Variants in SKI observed in about 807,000 individuals in gnomAD.
The protein encoded by SKI is SKI proto-oncogene.
A neutral mutation model predicts 59.3 loss-of-function variants in SKI; 23 were observed. The observed-to-expected ratio is 0.39, with a 90% CI of 0.28 to 0.55. SKI has a LOEUF of 0.55. Among genes scored for constraint, SKI ranks in the 20% least tolerant of loss-of-function variants. SKI has a pLI of 0.67. For synonymous variants in SKI, 673 were observed against 488.6 expected, an observed-to-expected ratio of 1.38 and a Z score of -4.98; for missense variants, 1,017 against 1,038.9, an observed-to-expected ratio of 0.98 and a Z score of 0.29.
chr1:2,288,563 G>A (rs1480163707), intron 1 of SKI, among the ~76,000 whole-genome samples: 1 of 152,254 alleles, frequency 6.6e-6, no homozygotes, highest in African/African-American at 2.4e-5. Context: ...GCTCGTGCGT[G>A]CACATTTGTT....
intron 1 of SKI, among the ~76,000 whole-genome samples, chr1:2,242,221 G>A (rs1041747132): frequency 6.6e-6 from 1 of 152,204 alleles, no homozygotes; most frequent in Non-Finnish European, 1.5e-5. Context: ...AACACTTCCC[G>A]TGCATGTCTA....
intron 1 of SKI, among the ~76,000 whole-genome samples, chr1:2,261,563 G>A (rs569646248): frequency 6.6e-6 from 1 of 152,310 alleles, no homozygotes; most frequent in East Asian, 1.9e-4. Context: ...GATATAAACG[G>A]CCACTACAGT....
chr1:2,287,503 A>T (rs1640065565), intron 1 of SKI, among the ~76,000 whole-genome samples: 1 of 151,768 alleles, frequency 6.6e-6, no homozygotes, highest in Non-Finnish European at 1.5e-5. Context: ...CGCCCAGCTA[A>T]TTTTTTGTAT....
intron 1 of SKI, among the ~76,000 whole-genome samples, chr1:2,258,144 T>A (rs978793281): frequency 7.2e-5 from 11 of 152,372 alleles, no homozygotes; most frequent in African/African-American, 2.6e-4. Context: ...TTTGCGACTT[T>A]AACCAGAAGT....
intron 1 of SKI, among the ~76,000 whole-genome samples, chr1:2,298,504 C>T (rs974800291): frequency 6.6e-5 from 10 of 152,190 alleles, no homozygotes; most frequent in Non-Finnish European, 1.3e-4. Flanking sequence ...ATGGCTTTCT[C>T]AGCAGCTCCC....
At chr1:2,240,651 CTTGGAATT>C (rs757451622) in intron 1 of SKI, 33 of 985,344 alleles carry the variant, frequency 3.3e-5, no homozygotes, top group Non-Finnish European at 3.7e-5. Flanking sequence ...AACAAGAAAA[CTTGGAATT>C]CTTCGAAGTG....
At chr1:2,231,319 C>T (rs1638633597) in intron 1 of SKI, among the ~76,000 whole-genome samples, 1 of 152,170 alleles carries the variant, frequency 6.6e-6, no homozygotes, top group Non-Finnish European at 1.5e-5. Flanking sequence ...GTCTTCAGAG[C>T]TGATGGCAGA....
chr1:2,290,087 A>G (rs1266240270), intron 1 of SKI, among the ~76,000 whole-genome samples: 2 of 151,900 alleles, frequency 1.3e-5, no homozygotes, highest in Non-Finnish European at 2.9e-5. Context: ...TTGGTCAGGG[A>G]TGTTCCTAGA....
At chr1:2,252,337 C>T (rs1160084128) in intron 1 of SKI, among the ~76,000 whole-genome samples, 1 of 152,092 alleles carries the variant, frequency 6.6e-6, no homozygotes, top group African/African-American at 2.4e-5. Context: ...TCCCCTGGGC[C>T]CCAGGAGGGT....
chr1:2,254,167 G>A (rs1639224663), intron 1 of SKI, among the ~76,000 whole-genome samples: 1 of 152,224 alleles, frequency 6.6e-6, no homozygotes, highest in Non-Finnish European at 1.5e-5. Flanking sequence ...TTGGACCCAC[G>A]TGGGAGCTGC....
chr1:2,229,362 G>C lies in SKI; in HGVS notation c.596G>C (p.Cys199Ser). 1 of 1,598,804 alleles carries C rather than the reference G, an allele frequency of 6.3e-7. No individual in the cohort carries two copies. Among genetic ancestry groups the C allele is most frequent in the Non-Finnish European group, 8.5e-7 (1 of 1,173,068 alleles). The change falls in exon 1 of 7, where the codon TGC becomes TCC. Residue 199 changes from cysteine (C) to serine (S), a missense_variant. Cys to Ser is a moderately radical substitution (Grantham distance 112). Coordinates refer to ENST00000378536, the MANE Select transcript of SKI (RefSeq NM_003036.4). The surrounding 1 kb of genome is among the most constrained non-coding windows in gnomAD (Gnocchi z 6.3). Reference protein sequence around the residue: ...LLYGGAYPPPCKKELAASLAL... With the variant: ...LLYGGAYPPPSKKELAASLAL... ...TACGGCGGCGCCTACCCGCCGCCCT[G>C]CAAGAAGGAGCTGGCCGCCAGCCTG...
chr1:2,296,331 G>A (rs898857331), intron 1 of SKI, among the ~76,000 whole-genome samples: 1 of 152,184 alleles, frequency 6.6e-6, no homozygotes, highest in Non-Finnish European at 1.5e-5. Flanking sequence ...GGGTGGTTGA[G>A]GCTGCAGTGA....
chr1:2,230,772 T>C (rs548554801), intron 1 of SKI, among the ~76,000 whole-genome samples: 1 of 152,356 alleles, frequency 6.6e-6, no homozygotes, highest in East Asian at 1.9e-4. Flanking sequence ...CTGCATTGGC[T>C]CAGCTATTCT....
rs1640487901 is a variant in SKI at position 2,303,788 on chromosome 1, G to T, written c.1212-52G>T. 3 of 1,596,148 alleles carry T rather than the reference G, an allele frequency of 1.9e-6. No individual in the cohort carries two copies. The highest frequency in any genetic ancestry group is 1.7e-5 in the Admixed American group (1 of 58,402). ...AGGGGGTGTGCGCCAGGATGTGTCTGGGTGGTGCTTGGGGACAGAGGCACC... is the reference window on the plus strand; with the variant it reads ...AGGGGGTGTGCGCCAGGATGTGTCTTGGTGGTGCTTGGGGACAGAGGCACC... On this transcript the variant is annotated intron_variant, in intron 3 of 6. Transcript: ENST00000378536. The surrounding 1 kb of genome is among the most constrained non-coding windows in gnomAD (Gnocchi z 5.6).
chr1:2,231,354 C>T (rs749961245), intron 1 of SKI, among the ~76,000 whole-genome samples: 1 of 152,110 alleles, frequency 6.6e-6, no homozygotes, highest in Non-Finnish European at 1.5e-5. Context: ...CAGGGTGTGT[C>T]TGCGTTTGTT....
At chr1:2,250,290 T>G (rs1412300381) in intron 1 of SKI, among the ~76,000 whole-genome samples, 3 of 152,210 alleles carry the variant, frequency 2.0e-5, no homozygotes, top group African/African-American at 7.2e-5. Context: ...TCCCGTGTGG[T>G]GCTGGGTAGC....
rs1417034945 is a variant in SKI, at chr1:2,228,567, A to G, written c.-200A>G. On this transcript the variant is annotated 5_prime_UTR_variant, in exon 1 of 7. Coordinates refer to ENST00000378536, the MANE Select transcript of SKI (RefSeq NM_003036.4). ...CCGGGCCCGGGCGGCGGCGGGCTCC[A>G]GCGGCGGGACCCCTTCGCCCCGCCC... The G allele has an allele frequency of 1.4e-5, 2 of 142,520 alleles. No individual in the cohort carries two copies. The highest frequency in any genetic ancestry group is 1.4e-4 in the Admixed American group (2 of 14,344). The allele number at this position is 142,520 out of a possible 1,614,324, so 8.8% of individuals were successfully genotyped here.
At chr1:2,261,618 A>G (rs1639387863) in intron 1 of SKI, among the ~76,000 whole-genome samples, 1 of 152,250 alleles carries the variant, frequency 6.6e-6, no homozygotes, top group South Asian at 2.1e-4. Context: ...TAACTTGCTC[A>G]TGAGTCCTAG....
intron 1 of SKI, among the ~76,000 whole-genome samples, chr1:2,302,497 G>A (rs1197354684): frequency 6.6e-6 from 1 of 152,120 alleles, no homozygotes; most frequent in Non-Finnish European, 1.5e-5. Context: ...CTTCCCAGAC[G>A]CATCCGTCGT....
Sources: gnomAD v4.1 joint callset for allele counts (sites outside exome capture counted in the v4.1 genomes callset) on GRCh38, gnomAD v4.1.1 for gene constraint, Gnocchi (gnomAD v3.1) non-coding constraint, MANE v1.5 for transcripts, NCBI Gene and HGNC (gene_info 2026-07-23, HGNC 2026-07-21) for gene names.